Variants in H6PD observed in about 807,000 individuals in gnomAD.
H6PD encodes GDH/6PGL endoplasmic bifunctional protein.
A neutral mutation model predicts 61.2 loss-of-function variants in H6PD; 48 were observed. The ratio of observed to expected loss-of-function variants is 0.78; its 90% CI spans 0.62 to 1.00. H6PD has a LOEUF of 1.00. Ranked by LOEUF, H6PD falls within the 50% of genes least tolerant of loss-of-function variation. H6PD has a pLI of 0.00. For synonymous variants in H6PD, 480 were observed against 457.9 expected (o/e 1.05, Z -0.62); for missense variants, 1,093 against 1,065.0 (o/e 1.03, Z -0.37).
In H6PD at chr1:9,264,324, T is replaced by TG. The variant is rs755426644; in HGVS notation, c.1834dup (p.Ala612GlyfsTer9). On this transcript the variant is annotated frameshift_variant, in exon 5 of 5. Coordinates refer to ENST00000377403, the MANE Select transcript of H6PD (RefSeq NM_004285.4). LOFTEE classifies it high-confidence loss of function. ...GGCCACGGCGCACTATGGCTTCCCCTGGGCCCACACGCACCTGTGGCTGGT... is the reference window on the plus strand; with the variant it reads ...GGCCACGGCGCACTATGGCTTCCCCTGGGGCCCACACGCACCTGTGGCTGGT... 3 of 1,611,886 alleles carry TG rather than the reference T, an allele frequency of 1.9e-6. No homozygotes were observed. Among genetic ancestry groups the TG allele is most frequent in the South Asian group, 2.2e-5 (2 of 91,080 alleles).
In H6PD at chr1:9,247,574, C is replaced by T. The variant is rs546821255; in HGVS notation, c.745+491C>T. On this transcript the variant is annotated intron_variant, in intron 3 of 4. Coordinates refer to ENST00000377403, the MANE Select transcript of H6PD (RefSeq NM_004285.4). ...AGGCCCACTCCCCTCACCCTCACGG[C>T]GCCACACACCTCCCTCCCCTGCCCT... Among the ~76,000 whole-genome samples, 13 of 152,232 alleles carry T rather than the reference C, an allele frequency of 8.5e-5. No individual in the cohort carries two copies. In the East Asian group the frequency reaches 2.1e-3, roughly 25 times the overall value.
rs1640841466 is a variant in H6PD at position 9,236,054 on chromosome 1, A to G, written c.-11+988A>G. On this transcript the variant is annotated intron_variant, in intron 1 of 4. Transcript: ENST00000377403. ...GCCCAAGCTGGAGTGCAATGGCGCG[A>G]TCTCGGCCCACTGCAACCTTCTCCT... 2.6e-5 allele frequency among the ~76,000 whole-genome samples: 4 copies of G among 152,078 alleles called. No homozygotes were observed. The South Asian group carries it at 6.2e-4, about 24-fold the overall frequency.
intron 1 of H6PD, 37 bp downstream of exon 1, chr1:9,235,103 C>CCCGGCG (rs1223900219): frequency 1.3e-5 from 2 of 149,230 alleles, no homozygotes; most frequent in East Asian, 3.9e-4. Flanking sequence ...CCGCCCCGGC[C>CCCGGCG]CCGGCGCCTC....
chr1:9,266,876 A>G lies in H6PD; in HGVS notation c.*2007A>G, dbSNP rs1448291500. On this transcript the variant is annotated 3_prime_UTR_variant, in exon 5 of 5. Transcript: ENST00000377403. ...GTCTCTGTCGCCCAGGCTGGAGCCC[A>G]GTGGCGAGATCTTGGCTCACTACAA... 6.6e-6 allele frequency: 1 copy of G among 151,134 alleles called. No individual in the cohort carries two copies. The highest frequency in any genetic ancestry group is 1.5e-5 in the Non-Finnish European group (1 of 67,912). 9.4% of individuals were successfully genotyped at this position (151,134 alleles called of 1,614,324 possible).
intron 1 of H6PD, among the ~76,000 whole-genome samples, chr1:9,241,165 C>T (rs968439130): frequency 3.3e-5 from 5 of 152,094 alleles, no homozygotes; most frequent in African/African-American, 1.2e-4. Context: ...GGTATACTAC[C>T]CTTGGGGGCC....
rs573009002 is a variant in H6PD, at chr1:9,247,785, C to T, written c.745+702C>T. Among the ~76,000 whole-genome samples, 12 of 152,334 alleles carry T rather than the reference C, an allele frequency of 7.9e-5. No individual in the cohort carries two copies. In the South Asian group the frequency reaches 2.5e-3, roughly 32 times the overall value. On this transcript the variant is annotated intron_variant, in intron 3 of 4. Transcript: ENST00000377403. ...GCTGGGTGGCCTCAGCATGTCACTC[C>T]TTGCAGCTGTGAGATGAGCATGTCC...
At chr1:9,259,602 G>A (rs1250975236) in intron 3 of H6PD, among the ~76,000 whole-genome samples, 3 of 152,104 alleles carry the variant, frequency 2.0e-5, no homozygotes, top group African/African-American at 7.2e-5. Flanking sequence ...GTGTTGTTAC[G>A]TTGCTGTTAC....
chr1:9,249,143 C>T (rs1364870033), intron 3 of H6PD, among the ~76,000 whole-genome samples: 3 of 152,180 alleles, frequency 2.0e-5, no homozygotes. Flanking sequence ...CTTCCTATCT[C>T]CGCCCTGGGC....
intron 1 of H6PD, 134 bp from the exon 2 acceptor site, chr1:9,244,790 TG>T: frequency 2.4e-6 from 2 of 831,910 alleles, no homozygotes; most frequent in South Asian, 2.8e-5. Flanking sequence ...AGGGACAAGC[TG>T]TGGGCTTATA....
At chr1:9,235,632 A>G (rs1461245850) in intron 1 of H6PD, among the ~76,000 whole-genome samples, 1 of 152,144 alleles carries the variant, frequency 6.6e-6, no homozygotes, top group African/African-American at 2.4e-5. Context: ...CTTATAAAAG[A>G]TGGGGTCTTG....
Position 9,269,364 on chromosome 1 carries a change from TCCAGCCTCACCAGCA to T in H6PD, c.*4498_*4512del, listed in dbSNP as rs1638677868. ...TGTACATAGGAAGGAAGGAAGTTCT[TCCAGCCTCACCAGCA>T]CCTGGCAGCGAGTCAGAGCCTGTGA... On this transcript the variant is annotated 3_prime_UTR_variant, in exon 5 of 5. Transcript: ENST00000377403. This position sits in a 1 kb window ranked among gnomAD's most constrained non-coding sequence, Gnocchi z 4.3. 6.6e-6 allele frequency: 1 copy of T among 152,208 alleles called. No homozygotes were observed. The allele number at this position is 152,208 out of a possible 1,614,324, so 9.4% of individuals were successfully genotyped here.
In H6PD at chr1:9,264,554, C is replaced by G; in HGVS notation, c.2061C>G (p.Asp687Glu). The change falls in exon 5 of 5, where the codon GAC becomes GAG. Residue 687 changes from aspartate (D) to glutamate (E), a missense_variant. Coordinates refer to ENST00000377403, the MANE Select transcript of H6PD (RefSeq NM_004285.4). ...CCCTGGTGGCCAACAGCAGCTTCGA[C>G]CTGGTGCTGCTGGGCATGGGTGCCG... ...ISALVANSSF[D>E]LVLLGMGADG... 6.2e-7 allele frequency: 1 copy of G among 1,613,328 alleles called. No individual in the cohort carries two copies. The highest frequency in any genetic ancestry group is 2.2e-5 in the East Asian group (1 of 44,880).
intron 3 of H6PD, among the ~76,000 whole-genome samples, chr1:9,255,508 C>T (rs563053338): frequency 6.6e-6 from 1 of 152,252 alleles, no homozygotes; most frequent in Admixed American, 6.5e-5. Context: ...TCTTGAACTC[C>T]TGGACTCAGG....
At chr1:9,260,246 G>T (rs187111335) in intron 3 of H6PD, among the ~76,000 whole-genome samples, 1 of 148,824 alleles carries the variant, frequency 6.7e-6, no homozygotes. Context: ...GTGTTATGTC[G>T]TTACACCAGT....
intron 1 of H6PD, among the ~76,000 whole-genome samples, chr1:9,236,093 A>T (rs72867289): frequency 0.032 from 4,884 of 152,108 alleles, 227 homozygotes; most frequent in African/African-American, 0.11. Context: ...GGTTCAAGCG[A>T]TTCTTCCACC....
chr1:9,250,558 C>T lies in H6PD; in HGVS notation c.745+3475C>T, dbSNP rs1203859832. ...CCACACATACCACAGGCCATTCTCC[C>T]TCACTCCCTACCCTGTCCTCTGCCC... On this transcript the variant is annotated intron_variant, in intron 3 of 4. Coordinates refer to ENST00000377403, the MANE Select transcript of H6PD (RefSeq NM_004285.4). Among the ~76,000 whole-genome samples the T allele has an allele frequency of 2.0e-5, 3 of 151,996 alleles. No individual in the cohort carries two copies. In the South Asian group the frequency reaches 6.2e-4, roughly 32 times the overall value.
intron 3 of H6PD, among the ~76,000 whole-genome samples, chr1:9,258,089 G>A (rs1641577217): frequency 6.6e-6 from 1 of 152,262 alleles, no homozygotes; most frequent in African/African-American, 2.4e-5. Flanking sequence ...CACGGTGCCT[G>A]CGTGCAGGGT....
intron 3 of H6PD, among the ~76,000 whole-genome samples, chr1:9,260,936 C>T (rs1638257260): frequency 6.6e-6 from 1 of 152,112 alleles, no homozygotes; most frequent in African/African-American, 2.4e-5. Context: ...TCCCTCTGCT[C>T]AGGCCCCACT....
At chr1:9,250,016 A>G (rs2100345869) in intron 3 of H6PD, among the ~76,000 whole-genome samples, 1 of 152,286 alleles carries the variant, frequency 6.6e-6, no homozygotes, top group East Asian at 1.9e-4. Context: ...TGGCCCAAGC[A>G]CTGCTCTGTG....
Sources: allele counts gnomAD v4.1 joint callset (sites outside exome capture counted in the v4.1 genomes callset), GRCh38; gene constraint gnomAD v4.1.1; non-coding constraint Gnocchi (gnomAD v3.1); transcripts MANE v1.5; gene names NCBI Gene and HGNC (gene_info 2026-07-23, HGNC 2026-07-21).